Variants in CCDC175 observed in about 807,000 individuals in gnomAD.
CCDC175 encodes coiled-coil domain-containing protein 175.
In CCDC175, 100 loss-of-function variants were observed where a neutral mutation model predicts 114.6. The ratio of observed to expected loss-of-function variants is 0.87; its 90% CI spans 0.74 to 1.03. The LOEUF (loss-of-function observed/expected upper bound fraction) is 1.03, where lower values mean the gene tolerates loss of function less well. CCDC175 is among the 50% of genes least tolerant of loss of function. The pLI is 0.00. For missense variants in CCDC175, 880 were observed against 917.8 expected (o/e 0.96, Z 0.53); for synonymous variants, 306 against 308.7 (o/e 0.99, Z 0.09).
chr14:59,544,277 C>G (rs1894969411), intron 9 of CCDC175, among the ~76,000 whole-genome samples: 2 of 152,232 alleles, frequency 1.3e-5, no homozygotes, highest in Non-Finnish European at 1.5e-5. Flanking sequence ...AGCGATTCTC[C>G]TGCCTCAGCT....
At chr14:59,557,946 C>T (rs1896012335) in intron 7 of CCDC175, among the ~76,000 whole-genome samples, 1 of 152,068 alleles carries the variant, frequency 6.6e-6, no homozygotes, top group African/African-American at 2.4e-5. Context: ...TAATATATCT[C>T]AGATACTATT....
At chr14:59,509,656 C>A (rs1446374130) in intron 19 of CCDC175, among the ~76,000 whole-genome samples, 1 of 152,098 alleles carries the variant, frequency 6.6e-6, no homozygotes, top group Non-Finnish European at 1.5e-5. Flanking sequence ...GAGGCAGAGG[C>A]ACTACCATAC....
At chr14:59,562,606 T>C (rs1023437603) in intron 6 of CCDC175, among the ~76,000 whole-genome samples, 2 of 152,066 alleles carry the variant, frequency 1.3e-5, no homozygotes, top group African/African-American at 4.8e-5. Context: ...GCAGGCTGGA[T>C]TGTGGGAAGT....
chr14:59,545,833 C>T (rs1378393047), intron 8 of CCDC175, among the ~76,000 whole-genome samples: 1 of 152,222 alleles, frequency 6.6e-6, no homozygotes, highest in Admixed American at 6.5e-5. Context: ...TCAAAACAAC[C>T]TTCTATCTGA....
intron 14 of CCDC175, among the ~76,000 whole-genome samples, chr14:59,531,461 T>C (rs1045467046): frequency 6.6e-6 from 1 of 152,138 alleles, no homozygotes; most frequent in Middle Eastern, 3.2e-3. Context: ...AAATTCCACA[T>C]GGTAGCAAAC....
At chr14:59,545,392 A>G (rs1895042039) in intron 8 of CCDC175, 93 bp from the exon 9 acceptor site, 5 of 1,116,598 alleles carry the variant, frequency 4.5e-6, no homozygotes, top group Non-Finnish European at 6.3e-6. Context: ...AGCACCTGGG[A>G]TATTGCTTAG....
At chr14:59,511,643 C>A (rs1892755392) in intron 18 of CCDC175, 117 bp downstream of exon 18, 1 of 587,846 alleles carries the variant, frequency 1.7e-6, no homozygotes, top group Admixed American at 3.4e-5. Flanking sequence ...TGAATTTCCA[C>A]CCTGATGCGT....
chr14:59,559,705 C>G lies in CCDC175; in HGVS notation c.953+1414G>C, dbSNP rs1002890709. On this transcript the variant is annotated intron_variant, in intron 7 of 19. Coordinates refer to ENST00000537690, the MANE Select transcript of CCDC175 (RefSeq NM_001164399.2). ...AAGAAAATAGAAAGAATACAAGGAACTTTCTTTTAATTTTCCAGGTAATAA... is the reference window on the plus strand; with the variant it reads ...AAGAAAATAGAAAGAATACAAGGAAGTTTCTTTTAATTTTCCAGGTAATAA... Among the ~76,000 whole-genome samples, 3 of 152,228 alleles carry G rather than the reference C, an allele frequency of 2.0e-5. No homozygotes were observed. The East Asian group carries it at 5.8e-4, about 29-fold the overall frequency.
At position 59,575,022 on chromosome 14, in the gene CCDC175, G is replaced by T; in HGVS notation, c.164C>A (p.Ser55Ter). ...ACATTTAAAATAGTCACTTTGCAGT[G>T]ATTGTTCTGAAAAAAAAATTAGAAA... ...ALEQLFVVEQ[S>*]LQSDYFKCNE... The change falls in exon 2 of 20, where the codon TCA becomes TAA. Residue 55 changes from serine (S) to a stop codon, truncating the protein, a stop_gained. Transcript: ENST00000537690. LOFTEE classifies it high-confidence loss of function. 2 of 1,467,202 alleles carry T rather than the reference G, an allele frequency of 1.4e-6. No individual in the cohort carries two copies. The highest frequency in any genetic ancestry group is 1.8e-6 in the Non-Finnish European group (2 of 1,106,754). 90.9% of individuals were successfully genotyped at this position (1,467,202 alleles called of 1,614,324 possible). A position where few individuals can be genotyped will look rare whatever the true frequency, so the allele number is the denominator to read the frequency against.
chr14:59,531,793 C>T lies in CCDC175; in HGVS notation c.1741G>A (p.Glu581Lys), dbSNP rs1595012028. ...GTACCTGTAATAATATTACTGAGCT[C>T]TTCTAACTTTCTTCTTTTCTCTTTA... ...EYKEKRRKLEELSNIITAQRQ... is the reference protein window; with the variant it reads ...EYKEKRRKLEKLSNIITAQRQ... The change falls in exon 14 of 20, where the codon GAG (glutamate) becomes AAG (lysine). Residue 581 changes from glutamate to lysine, a missense_variant. Physicochemically the swap from Glu to Lys is moderately conservative, Grantham distance 56. Coordinates refer to ENST00000537690, the MANE Select transcript of CCDC175 (RefSeq NM_001164399.2). 2 of 1,501,144 alleles carry T rather than the reference C, an allele frequency of 1.3e-6. No homozygotes were observed. The highest frequency in any genetic ancestry group is 1.3e-5 in the South Asian group (1 of 79,320). 93.0% of individuals were successfully genotyped at this position (1,501,144 alleles called of 1,614,324 possible).
intron 13 of CCDC175, 66 bp downstream of exon 13, chr14:59,537,957 A>C: frequency 2.8e-4 from 271 of 980,486 alleles, no homozygotes; most frequent in Non-Finnish European, 2.8e-4. Flanking sequence ...AATAGCATGA[A>C]ATATTATTCC....
intron 17 of CCDC175, among the ~76,000 whole-genome samples, chr14:59,514,035 TG>T (rs1462559556): frequency 3.3e-5 from 5 of 152,230 alleles, no homozygotes; most frequent in Non-Finnish European, 5.9e-5. Context: ...CAGCCTCCGC[TG>T]CTGATACCCA....
At chr14:59,547,615 G>C (rs1895193044) in intron 8 of CCDC175, among the ~76,000 whole-genome samples, 1 of 152,190 alleles carries the variant, frequency 6.6e-6, no homozygotes, top group Non-Finnish European at 1.5e-5. Context: ...TGTATTTTCA[G>C]TAAATGGTGC....
At chr14:59,562,238 G>A (rs917121966) in intron 6 of CCDC175, among the ~76,000 whole-genome samples, 8 of 152,268 alleles carry the variant, frequency 5.3e-5, no homozygotes, top group African/African-American at 1.7e-4. Context: ...CAGGTAGGCC[G>A]CCTTAAGGGT....
intron 17 of CCDC175, among the ~76,000 whole-genome samples, chr14:59,516,593 C>T (rs1214984555): frequency 6.6e-6 from 1 of 152,212 alleles, no homozygotes. Flanking sequence ...TTCCTCGACA[C>T]ATACACCCTC....
At chr14:59,568,618 T>C (rs1001232459) in intron 3 of CCDC175, among the ~76,000 whole-genome samples, 23 of 152,308 alleles carry the variant, frequency 1.5e-4, no homozygotes, top group African/African-American at 5.3e-4. Context: ...TGCAGTCTGA[T>C]AGTGCCTGAT....
At chr14:59,543,692 C>T (rs891875794) in intron 9 of CCDC175, among the ~76,000 whole-genome samples, 6 of 152,030 alleles carry the variant, frequency 3.9e-5, no homozygotes, top group African/African-American at 1.4e-4. Flanking sequence ...TGGGGTTTCC[C>T]TGTGTTGCCC....
chr14:59,542,551 A>G (rs1327501641), intron 10 of CCDC175, among the ~76,000 whole-genome samples: 4 of 152,156 alleles, frequency 2.6e-5, no homozygotes, highest in African/African-American at 7.2e-5. Flanking sequence ...ACAAAAGTAA[A>G]TCTCCATCAA....
chr14:59,521,565 A>T lies in CCDC175; in HGVS notation c.2098+9T>A, dbSNP rs1230816027. On this transcript the variant is annotated intron_variant, in intron 17 of 19. Transcript: ENST00000537690. ...CCCTGACTAATACAAGCACCCACAC[A>T]TTACTTACCCTCCTGAGCTATTAGT... 6.7e-7 allele frequency: 1 copy of T among 1,482,774 alleles called. No individual in the cohort carries two copies. The highest frequency in any genetic ancestry group is 9.1e-7 in the Non-Finnish European group (1 of 1,098,090). 91.9% of individuals were successfully genotyped at this position (1,482,774 alleles called of 1,614,324 possible). A position where few individuals can be genotyped will look rare whatever the true frequency, so the allele number is the denominator to read the frequency against.
Sources: gnomAD v4.1 joint callset for allele counts (sites outside exome capture counted in the v4.1 genomes callset) on GRCh38, gnomAD v4.1.1 for gene constraint, MANE v1.5 for transcripts, NCBI Gene and HGNC (gene_info 2026-07-23, HGNC 2026-07-21) for gene names.